Variants in FGL1 observed in about 807,000 individuals in gnomAD.
FGL1 encodes the protein fibrinogen-like protein 1.
Under a neutral mutation model 43.7 loss-of-function variants are expected in FGL1, and 59 were observed. The observed-to-expected ratio is 1.35, with a 90% CI of 1.10 to 1.68. The LOEUF (loss-of-function observed/expected upper bound fraction) is 1.68. Among genes scored for constraint, FGL1 ranks in the 40% most tolerant of loss-of-function variants. The pLI is 0.00. For missense variants in FGL1, 596 were observed against 373.0 expected (o/e 1.60, Z -4.92); for synonymous variants, 192 against 126.5 (o/e 1.52, Z -3.48).
intron 1 of FGL1, among the ~76,000 whole-genome samples, chr8:17,889,028 C>T (rs1018885609): frequency 1.3e-5 from 2 of 152,006 alleles, no homozygotes. Flanking sequence ...GGACAGTAAG[C>T]GTAGTTCCAC....
chr8:17,891,086 C>T (rs1280758052), intron 1 of FGL1, among the ~76,000 whole-genome samples: 2 of 152,176 alleles, frequency 1.3e-5, no homozygotes, highest in East Asian at 3.9e-4. Flanking sequence ...TGTCTACCTA[C>T]TCCAACCGCC....
At chr8:17,865,798 G>C (rs978118728) in intron 7 of FGL1, among the ~76,000 whole-genome samples, 1 of 152,120 alleles carries the variant, frequency 6.6e-6, no homozygotes, top group Non-Finnish European at 1.5e-5. Flanking sequence ...AGGTAGTTCT[G>C]AACATCTATG....
At chr8:17,875,711 T>G (rs937268147) in intron 3 of FGL1, among the ~76,000 whole-genome samples, 1 of 151,934 alleles carries the variant, frequency 6.6e-6, no homozygotes, top group African/African-American at 2.4e-5. Context: ...TTCAAGCGAT[T>G]CTCCTGCCTC....
Position 17,867,241 on chromosome 8 carries a change from G to C in FGL1, c.779+1307C>G, listed in dbSNP as rs577134055. On this transcript the variant is annotated intron_variant, in intron 7 of 7. Coordinates refer to ENST00000427924, the MANE Select transcript of FGL1 (RefSeq NM_004467.4). Reference sequence around the variant, plus strand: ...CTTTTTCAGTCTGATAACCGAAACAGCTACGAAGTGAGTAACGAGCAGATA... The same window carrying C: ...CTTTTTCAGTCTGATAACCGAAACACCTACGAAGTGAGTAACGAGCAGATA... Among the ~76,000 whole-genome samples, 13 of 152,208 alleles carry C rather than the reference G, an allele frequency of 8.5e-5. No individual in the cohort carries two copies. In the South Asian group the frequency reaches 1.2e-3, roughly 15 times the overall value.
At chr8:17,884,394 C>T (rs2131734492) in intron 2 of FGL1, among the ~76,000 whole-genome samples, 1 of 152,164 alleles carries the variant, frequency 6.6e-6, no homozygotes. Context: ...GGGGTTTTGC[C>T]ATGTTGCCCA....
At position 17,864,539 on chromosome 8, in the gene FGL1, C is replaced by A; in HGVS notation, c.*53G>T. The A allele has an allele frequency of 1.3e-6, 2 of 1,546,914 alleles. No individual in the cohort carries two copies. Among genetic ancestry groups the A allele is most frequent in the South Asian group, 1.2e-5 (1 of 80,192 alleles). Reference sequence around the variant, plus strand: ...GGATATGTTCAGAATGAGTATTTTTCAAATCACTTTAAACAAAGCTGAATT... The same window carrying A: ...GGATATGTTCAGAATGAGTATTTTTAAAATCACTTTAAACAAAGCTGAATT... On this transcript the variant is annotated 3_prime_UTR_variant, in exon 8 of 8. Transcript: ENST00000427924.
At position 17,864,434 on chromosome 8, in the gene FGL1, G is replaced by A. The variant is rs911372185; in HGVS notation, c.*158C>T. The A allele has an allele frequency of 2.3e-5, 16 of 685,860 alleles. No individual in the cohort carries two copies. Among genetic ancestry groups the A allele is most frequent in the Non-Finnish European group, 3.8e-5 (16 of 424,964 alleles). 42.5% of individuals were successfully genotyped at this position (685,860 alleles called of 1,614,324 possible). A position where few individuals can be genotyped will look rare whatever the true frequency, so the allele number is the denominator to read the frequency against. On this transcript the variant is annotated 3_prime_UTR_variant, in exon 8 of 8. Coordinates refer to ENST00000427924, the MANE Select transcript of FGL1 (RefSeq NM_004467.4). ...ATTTGGTGAATATTGCATATCTGCTGTACTGAAAGCACATTAAGTAACAAA... is the reference window on the plus strand; with the variant it reads ...ATTTGGTGAATATTGCATATCTGCTATACTGAAAGCACATTAAGTAACAAA...
chr8:17,871,932 T>A (rs1277900768), intron 5 of FGL1, among the ~76,000 whole-genome samples: 4 of 152,186 alleles, frequency 2.6e-5, no homozygotes, highest in African/African-American at 9.7e-5. Context: ...ATTTCATATA[T>A]TTAGAAAGAG....
At chr8:17,881,034 T>C (rs1257759306) in intron 3 of FGL1, among the ~76,000 whole-genome samples, 1 of 152,302 alleles carries the variant, frequency 6.6e-6, no homozygotes, top group East Asian at 1.9e-4. Context: ...TAATGCACAT[T>C]AGGATTTCAG....
At chr8:17,891,657 T>C (rs144180090) in intron 1 of FGL1, 1 of 984,402 alleles carries the variant, frequency 1.0e-6, no homozygotes, top group East Asian at 1.1e-4. Context: ...ATCTACTGAA[T>C]AGATGAGAAG....
intron 1 of FGL1, among the ~76,000 whole-genome samples, chr8:17,889,670 C>G (rs1476847146): frequency 6.6e-6 from 1 of 152,186 alleles, no homozygotes; most frequent in Non-Finnish European, 1.5e-5. Context: ...TCTCCAGGAC[C>G]ATTCAGCCTC....
chr8:17,871,497 A>C (rs1462698173), intron 5 of FGL1, among the ~76,000 whole-genome samples: 10 of 151,154 alleles, frequency 6.6e-5, no homozygotes, highest in Non-Finnish European at 1.3e-4. Flanking sequence ...GTCTCAAAAA[A>C]AAAAACAAAA....
intron 1 of FGL1, 87 bp from the exon 2 acceptor site, chr8:17,885,658 C>T (rs914775754): frequency 3.4e-5 from 36 of 1,069,840 alleles, no homozygotes; most frequent in Non-Finnish European, 4.0e-5. Flanking sequence ...TCCAGGAAGT[C>T]GGATGCAGCC....
At chr8:17,867,507 G>T (rs34471746) in intron 7 of FGL1, among the ~76,000 whole-genome samples, 4,810 of 152,300 alleles carry the variant, frequency 0.032, 97 homozygotes, top group Admixed American at 0.049. Context: ...CACAGTAAGA[G>T]ATTAACAACA....
Position 17,868,953 on chromosome 8 carries a change from T to TA in FGL1, c.553dup (p.Tyr185LeufsTer5), listed in dbSNP as rs1210472086. 6.2e-7 allele frequency: 1 copy of TA among 1,607,210 alleles called. No homozygotes were observed. The highest frequency in any genetic ancestry group is 1.1e-5 in the South Asian group (1 of 88,790). ...AACTTTGAAATTCTTATATTGTGCA[T>TA]AACGGCTATTTTTTTCAAAATCTGC... On this transcript the variant is annotated frameshift_variant, in exon 6 of 8. Coordinates refer to ENST00000427924, the MANE Select transcript of FGL1 (RefSeq NM_004467.4). LOFTEE classifies it high-confidence loss of function.
In FGL1 at chr8:17,882,186, A is replaced by G. The variant is rs2053547487; in HGVS notation, c.64-7T>C. The G allele has an allele frequency of 1.9e-6, 3 of 1,611,412 alleles. No individual in the cohort carries two copies. The highest frequency in any genetic ancestry group is 2.2e-5 in the East Asian group (1 of 44,846). ...GGGCACAGTCCTCGAGCGCCTGCAA[A>G]ACAGGTGAGATGAGATGAGTATGCA... is the stretch of plus-strand genomic sequence containing the variant. On this transcript the variant is annotated splice_region_variant and splice_polypyrimidine_tract_variant and intron_variant, in intron 2 of 7. Coordinates refer to ENST00000427924, the MANE Select transcript of FGL1 (RefSeq NM_004467.4).
intron 7 of FGL1, 39 bp downstream of exon 7, chr8:17,868,509 C>G (rs1484039107): frequency 3.3e-6 from 5 of 1,499,618 alleles, no homozygotes; most frequent in Non-Finnish European, 4.5e-6. Flanking sequence ...AGTGAGATAT[C>G]ATCAACTCCA....
chr8:17,864,858 T>A, intron 7 of FGL1, 107 bp from the exon 8 acceptor site: 1 of 979,188 alleles, frequency 1.0e-6, no homozygotes, highest in Non-Finnish European at 1.4e-6. Context: ...AACTATGAAT[T>A]CTGCCATTTT....
At chr8:17,884,432 C>T (rs2053598620) in intron 2 of FGL1, among the ~76,000 whole-genome samples, 3 of 152,030 alleles carry the variant, frequency 2.0e-5, no homozygotes, top group South Asian at 2.1e-4. Context: ...TGGCTTCAAG[C>T]GATCCACCCA....
Sources: gnomAD v4.1 joint callset for allele counts (sites outside exome capture counted in the v4.1 genomes callset) on GRCh38, gnomAD v4.1.1 for gene constraint, MANE v1.5 for transcripts, NCBI Gene and HGNC (gene_info 2026-07-23, HGNC 2026-07-21) for gene names.